The following ME1 variants were observed in gnomAD, a reference collection of about 807,000 sequenced individuals.
The protein encoded by ME1 is NADP-dependent malic enzyme.
A neutral mutation model predicts 66.4 loss-of-function variants in ME1; 74 were observed. The ratio of observed to expected loss-of-function variants is 1.11; its 90% CI spans 0.92 to 1.35. The LOEUF is 1.35. ME1 is among the 40% of genes most tolerant of loss of function. The pLI, the probability that ME1 is intolerant of heterozygous loss-of-function variation, is 0.00. For synonymous variants in ME1, 251 were observed against 235.6 expected, an observed-to-expected ratio of 1.07 and a Z score of -0.60; for missense variants, 750 against 694.1, an observed-to-expected ratio of 1.08 and a Z score of -0.90.
intron 1 of ME1, among the ~76,000 whole-genome samples, chr6:83,415,507 A>C (rs1770143150): frequency 6.6e-6 from 1 of 152,212 alleles, no homozygotes; most frequent in Non-Finnish European, 1.5e-5. Flanking sequence ...AATTTTAAAT[A>C]AGCAAATGGA....
At position 83,222,542 on chromosome 6, in the gene ME1, T is replaced by C. The variant is rs560807149; in HGVS notation, c.1449+1218A>G. Among the ~76,000 whole-genome samples the C allele has an allele frequency of 9.2e-5, 14 of 152,342 alleles. No individual in the cohort carries two copies. In the East Asian group the frequency reaches 1.7e-3, roughly 19 times the overall value. ...GTAAGAAAAGAAATTCACTCAAGTT[T>C]CTCATCCATAAATGGTTACCTGTTC... On this transcript the variant is annotated intron_variant, in intron 12 of 13. Coordinates refer to ENST00000369705, the MANE Select transcript of ME1 (RefSeq NM_002395.6).
At chr6:83,393,981 T>C (rs1392789780) in intron 3 of ME1, among the ~76,000 whole-genome samples, 2 of 152,022 alleles carry the variant, frequency 1.3e-5, no homozygotes, top group Non-Finnish European at 2.9e-5. Flanking sequence ...TAGTATGTAT[T>C]GTGTCTGTTG....
chr6:83,299,374 A>G (rs1767669210), intron 6 of ME1, among the ~76,000 whole-genome samples: 1 of 152,006 alleles, frequency 6.6e-6, no homozygotes, highest in Non-Finnish European at 1.5e-5. Flanking sequence ...GCAGTTGCAA[A>G]TGGGAGTTCA....
chr6:83,227,531 A>C, intron 10 of ME1, 54 bp from the exon 11 acceptor site: 3 of 1,424,628 alleles, frequency 2.1e-6, no homozygotes, highest in South Asian at 2.9e-5. Context: ...TAATTCACAC[A>C]AGAAGACCAT....
At chr6:83,379,060 T>C (rs1410945489) in intron 3 of ME1, among the ~76,000 whole-genome samples, 2 of 152,142 alleles carry the variant, frequency 1.3e-5, no homozygotes, top group Non-Finnish European at 2.9e-5. Context: ...AAAATGAATT[T>C]CATTAGTGTA....
At position 83,352,122 on chromosome 6, in the gene ME1, A is replaced by G. The variant is rs761541432; in HGVS notation, c.380T>C (p.Ile127Thr). The change falls in exon 4 of 14, where the codon ATC becomes ACC. Residue 127 changes from isoleucine (I) to threonine (T), a missense_variant. Physicochemically the swap from Ile to Thr is moderately conservative, Grantham distance 89. Transcript: ENST00000369705. ...TGAAGCAATATGCCCTCGATCGTGGATAGTAATAAAGAGACCTCTGCAGAA... is the reference window on the plus strand; with the variant it reads ...TGAAGCAATATGCCCTCGATCGTGGGTAGTAATAAAGAGACCTCTGCAGAA... Reference protein sequence around the residue: ...FRKPRGLFITIHDRGHIASVL... With the variant: ...FRKPRGLFITTHDRGHIASVL... The G allele has an allele frequency of 7.5e-7, 1 of 1,339,350 alleles. No homozygotes were observed. Among genetic ancestry groups the G allele is most frequent in the Admixed American group, 1.8e-5 (1 of 55,134 alleles). The allele number at this position is 1,339,350 out of a possible 1,614,324, so 83.0% of individuals were successfully genotyped here. A position where few individuals can be genotyped will look rare whatever the true frequency, so the allele number is the denominator to read the frequency against.
intron 5 of ME1, among the ~76,000 whole-genome samples, chr6:83,320,756 T>C (rs1041275863): frequency 2.6e-5 from 4 of 152,214 alleles, no homozygotes; most frequent in Non-Finnish European, 5.9e-5. Flanking sequence ...AATTAAAGTA[T>C]ACACCATAAA....
intron 13 of ME1, 150 bp downstream of exon 13, chr6:83,216,348 C>T (rs1789993335): frequency 3.1e-6 from 2 of 643,036 alleles, no homozygotes; most frequent in African/African-American, 1.9e-5. Flanking sequence ...CTAAGCTCTA[C>T]AGTGTCAGTG....
chr6:83,384,156 C>T (rs982452361), intron 3 of ME1, among the ~76,000 whole-genome samples: 1 of 151,534 alleles, frequency 6.6e-6, no homozygotes, highest in Non-Finnish European at 1.5e-5. Flanking sequence ...TCTTTTTGGT[C>T]GAATGGTTTA....
At chr6:83,323,325 G>A (rs970125002) in intron 5 of ME1, among the ~76,000 whole-genome samples, 4 of 152,098 alleles carry the variant, frequency 2.6e-5, no homozygotes, top group Non-Finnish European at 4.4e-5. Context: ...ATGTAAATGG[G>A]CTAAATGCCC....
intron 3 of ME1, among the ~76,000 whole-genome samples, chr6:83,356,328 A>T (rs1427639836): frequency 6.6e-6 from 1 of 152,142 alleles, no homozygotes; most frequent in African/African-American, 2.4e-5. Context: ...GTGAGTATGC[A>T]TTAGTGAGCC....
chr6:83,367,738 G>A (rs1300700883), intron 3 of ME1, among the ~76,000 whole-genome samples: 1 of 152,210 alleles, frequency 6.6e-6, no homozygotes, highest in Admixed American at 6.5e-5. Flanking sequence ...TAAAGGGAAT[G>A]TTGTGGCTGG....
rs200507868 is a variant in ME1 at position 83,246,803 on chromosome 6, G to T, written c.814+6826C>A. ...GACACAAACTGGCTCCCCAAAAGTT[G>T]TATCAATCTATACTTCTACCATCAA... On this transcript the variant is annotated intron_variant, in intron 7 of 13. Transcript: ENST00000369705. 2.8e-4 allele frequency among the ~76,000 whole-genome samples: 42 copies of T among 152,158 alleles called. 1 individual carries two copies. In the East Asian group the frequency reaches 7.7e-3, roughly 28 times the overall value.
chr6:83,324,505 C>G (rs753654202), intron 5 of ME1, among the ~76,000 whole-genome samples: 5 of 151,660 alleles, frequency 3.3e-5, no homozygotes, highest in African/African-American at 4.8e-5. Context: ...AAGGGGAGAT[C>G]ACCACTGATC....
At chr6:83,274,484 T>C in intron 6 of ME1, among the ~76,000 whole-genome samples, 1 of 152,218 alleles carries the variant, frequency 6.6e-6, no homozygotes, top group Admixed American at 6.5e-5. Flanking sequence ...TAGCAGAAAT[T>C]TACTAAAAAA....
chr6:83,376,902 T>C (rs1418791696), intron 3 of ME1, among the ~76,000 whole-genome samples: 6 of 151,800 alleles, frequency 4.0e-5, no homozygotes, highest in Non-Finnish European at 8.8e-5. Flanking sequence ...AATTCACCTG[T>C]AAGATTTGAT....
intron 3 of ME1, among the ~76,000 whole-genome samples, chr6:83,393,681 T>C (rs1769676065): frequency 6.6e-6 from 1 of 152,208 alleles, no homozygotes; most frequent in African/African-American, 2.4e-5. Context: ...ATTCAAGCCC[T>C]TCTACATTTA....
intron 3 of ME1, among the ~76,000 whole-genome samples, chr6:83,352,954 T>C (rs1443920533): frequency 1.3e-5 from 2 of 152,132 alleles, no homozygotes; most frequent in Non-Finnish European, 2.9e-5. Flanking sequence ...TCCCGGGTTT[T>C]CTCCCAAAGA....
chr6:83,398,465 T>C lies in ME1; in HGVS notation c.264A>G (p.Arg88=), dbSNP rs780944221. The C allele has an allele frequency of 3.8e-6, 6 of 1,585,824 alleles. No individual in the cohort carries two copies. In the South Asian group the frequency reaches 5.7e-5, roughly 15 times the overall value. ...LQDRNEKLFY[R]VLTSDIEKFM... ...ATTTCTCAATGTCAGATGTCAGCAC[T>C]CTATAAAAGAGTTTTTCATTTCTAT... The change falls in exon 3 of 14, where the codon AGA becomes AGG. Residue 88 remains arginine, a synonymous_variant. Transcript: ENST00000369705.
Sources: gnomAD v4.1 joint callset for allele counts (sites outside exome capture counted in the v4.1 genomes callset) on GRCh38, gnomAD v4.1.1 for gene constraint, MANE v1.5 for transcripts, NCBI Gene and HGNC (gene_info 2026-07-23, HGNC 2026-07-21) for gene names.